AGBL1: variants seen among roughly 807,000 people sequenced by gnomAD.
The protein encoded by AGBL1 is AGBL carboxypeptidase 1, also known as cytosolic carboxypeptidase 4.
A neutral mutation model predicts 118.9 loss-of-function variants in AGBL1; 130 were observed. That is an observed-to-expected ratio of 1.09 (90% CI 0.95 to 1.26). The LOEUF is 1.26. Ranked by LOEUF, AGBL1 falls within the 50% of genes most tolerant of loss-of-function variation. AGBL1 has a pLI of 0.00. For missense variants in AGBL1, 1,584 were observed against 1,298.1 expected (o/e 1.22, Z -3.38); for synonymous variants, 555 against 478.9 (o/e 1.16, Z -2.08).
At chr15:86,975,604 T>C (rs2081169172) in intron 23 of AGBL1, among the ~76,000 whole-genome samples, 1 of 152,140 alleles carries the variant, frequency 6.6e-6, no homozygotes, top group Non-Finnish European at 1.5e-5. Flanking sequence ...TCCAACCTCA[T>C]CAGCAAATAT....
At chr15:86,422,915 TAAG>T (rs1195297112) in intron 18 of AGBL1, among the ~76,000 whole-genome samples, 2 of 152,292 alleles carry the variant, frequency 1.3e-5, no homozygotes, top group Admixed American at 6.5e-5. Context: ...AATAGACTAA[TAAG>T]AAGTTCTGAA....
At chr15:86,281,926 G>T (rs563491126) in intron 16 of AGBL1, among the ~76,000 whole-genome samples, 1 of 152,228 alleles carries the variant, frequency 6.6e-6, no homozygotes, top group East Asian at 1.9e-4. Context: ...AATGCTGAGT[G>T]CCGTGGATGT....
chr15:86,797,794 G>A (rs2078593530), intron 22 of AGBL1, among the ~76,000 whole-genome samples: 2 of 152,190 alleles, frequency 1.3e-5, no homozygotes, highest in Admixed American at 6.5e-5. Context: ...GGACTTGGAA[G>A]AACCTGCAAA....
intron 18 of AGBL1, among the ~76,000 whole-genome samples, chr15:86,455,033 C>T (rs1425353970): frequency 6.6e-6 from 1 of 152,142 alleles, no homozygotes; most frequent in Non-Finnish European, 1.5e-5. Context: ...ATTTACCCAT[C>T]AGGAGAATTT....
chr15:86,080,144 G>T, intron 1 of AGBL1, 121 bp downstream of exon 1: 1 of 691,710 alleles, frequency 1.4e-6, no homozygotes, highest in South Asian at 7.3e-5. Flanking sequence ...TTAACAGCAA[G>T]AGAACAGGAG....
At chr15:86,336,508 A>G (rs559389146) in intron 17 of AGBL1, among the ~76,000 whole-genome samples, 2 of 152,344 alleles carry the variant, frequency 1.3e-5, no homozygotes, top group South Asian at 2.1e-4. Context: ...GACTGGAACA[A>G]GGCACTTGTC....
chr15:86,900,344 A>T (rs548224898), intron 22 of AGBL1, among the ~76,000 whole-genome samples: 5 of 152,244 alleles, frequency 3.3e-5, no homozygotes, highest in African/African-American at 1.2e-4. Flanking sequence ...TATGTTTCTT[A>T]CTTTTCCTAG....
chr15:86,132,787 A>G (rs1325925144), intron 1 of AGBL1, among the ~76,000 whole-genome samples: 1 of 152,208 alleles, frequency 6.6e-6, no homozygotes, highest in Non-Finnish European at 1.5e-5. Context: ...TGCCCAGAGC[A>G]TGCAATCTCA....
intron 24 of AGBL1, among the ~76,000 whole-genome samples, chr15:87,025,414 G>GA (rs1316861631): frequency 6.6e-6 from 1 of 150,724 alleles, no homozygotes; most frequent in Non-Finnish European, 1.5e-5. Context: ...CAAAAAACAT[G>GA]AAAAAAACTT....
intron 18 of AGBL1, among the ~76,000 whole-genome samples, chr15:86,407,948 C>T (rs147928859): frequency 6.6e-6 from 1 of 152,192 alleles, no homozygotes; most frequent in African/African-American, 2.4e-5. Context: ...ACCCACAAAG[C>T]TAGGGCAGAG....
At chr15:86,801,712 T>C (rs911821185) in intron 22 of AGBL1, among the ~76,000 whole-genome samples, 1 of 152,156 alleles carries the variant, frequency 6.6e-6, no homozygotes, top group African/African-American at 2.4e-5. Context: ...CTCTCCATCA[T>C]GGTACAGATT....
intron 22 of AGBL1, among the ~76,000 whole-genome samples, chr15:86,822,683 T>C (rs2078957870): frequency 6.6e-6 from 1 of 152,068 alleles, no homozygotes. Context: ...TATGCAGTTT[T>C]TCAGGAAAGA....
rs73445653 is a variant in AGBL1, at chr15:86,189,254, A to T, written c.488+30228A>T. 4.7e-3 allele frequency among the ~76,000 whole-genome samples: 716 copies of T among 152,326 alleles called. 7 individuals carry two copies. The highest frequency in any genetic ancestry group is 0.016 in the African/African-American group (684 of 41,572). Reference sequence around the variant, plus strand: ...TTTTACATCTGGAGAACTTATGCACACATTTAAAGATGCAAAAGACCTGAT... The same window carrying T: ...TTTTACATCTGGAGAACTTATGCACTCATTTAAAGATGCAAAAGACCTGAT... On this transcript the variant is annotated intron_variant, in intron 5 of 22. Transcript: ENST00000614907.
At chr15:86,285,109 T>C (rs954947757) in intron 16 of AGBL1, among the ~76,000 whole-genome samples, 1 of 152,110 alleles carries the variant, frequency 6.6e-6, no homozygotes, top group Non-Finnish European at 1.5e-5. Context: ...AGATGGGAGA[T>C]CATTTTTAGG....
At chr15:86,304,865 G>C (rs964831651) in intron 17 of AGBL1, 29 of 152,208 alleles carry the variant, frequency 1.9e-4, no homozygotes, top group African/African-American at 7.0e-4. Context: ...TCCATGTAAA[G>C]GTAGGGGAAT....
chr15:86,271,666 C>A lies in AGBL1; in HGVS notation c.2035C>A (p.Pro679Thr), dbSNP rs1449471959. ...YSVKEALLGK[P>T]TWIRTGHEIC... is the part of the protein sequence containing the mutation. ...TGTGAAGGAGGCTCTTCTTGGCAAA[C>A]CCACCTGGATAAGGACAGGCCATGA... is the stretch of plus-strand genomic sequence containing the variant. The change falls in exon 15 of 23, where the codon CCC becomes ACC. Residue 679 changes from proline (P) to threonine (T), a missense_variant. Transcript: ENST00000614907. 1 of 1,613,458 alleles carries A rather than the reference C, an allele frequency of 6.2e-7. No homozygotes were observed. The highest frequency in any genetic ancestry group is 1.7e-5 in the Admixed American group (1 of 60,018).
At chr15:86,456,732 T>C (rs942450747) in intron 18 of AGBL1, among the ~76,000 whole-genome samples, 1 of 152,232 alleles carries the variant, frequency 6.6e-6, no homozygotes, top group Non-Finnish European at 1.5e-5. Flanking sequence ...TACAATTTAA[T>C]GTATTTCATG....
chr15:86,778,422 A>G (rs2078288301), intron 22 of AGBL1, among the ~76,000 whole-genome samples: 1 of 152,150 alleles, frequency 6.6e-6, no homozygotes, highest in Non-Finnish European at 1.5e-5. Context: ...GTGCTACGGG[A>G]GACTGCGGCT....
chr15:86,428,458 G>A (rs562693526), intron 18 of AGBL1, among the ~76,000 whole-genome samples: 3 of 152,194 alleles, frequency 2.0e-5, no homozygotes, highest in Admixed American at 6.5e-5. Context: ...CTAAATACAC[G>A]GACTTCTTTA....
Sources: gnomAD v4.1 joint callset for allele counts (sites outside exome capture counted in the v4.1 genomes callset) on GRCh38, gnomAD v4.1.1 for gene constraint, MANE v1.5 for transcripts, NCBI Gene and HGNC (gene_info 2026-07-23, HGNC 2026-07-21) for gene names.